LYZL4: variants seen among roughly 807,000 people sequenced by gnomAD.
LYZL4 encodes the protein lysozyme like 4, also known as lysozyme-like protein 4.
In LYZL4, 13 loss-of-function variants were observed where a neutral mutation model predicts 17.6. The ratio of observed to expected loss-of-function variants is 0.74; its 90% CI spans 0.48 to 1.18. The LOEUF (loss-of-function observed/expected upper bound fraction) is 1.18, where lower values mean the gene tolerates loss of function less well. Among genes scored for constraint, LYZL4 ranks in the 50% most tolerant of loss-of-function variants. The pLI is 0.00. For missense variants in LYZL4, 174 were observed against 188.2 expected (o/e 0.92, Z 0.44); for synonymous variants, 64 against 67.7 (o/e 0.95, Z 0.27).
intron 3 of LYZL4, among the ~76,000 whole-genome samples, chr3:42,405,957 A>G (rs1418025729): frequency 6.6e-6 from 1 of 152,170 alleles, no homozygotes; most frequent in Non-Finnish European, 1.5e-5. Flanking sequence ...AAGCACAAGA[A>G]TGGCAACTAT....
At chr3:42,386,520 T>C in the LYZL4 span, among the ~76,000 whole-genome samples, 1 of 151,654 alleles carries the variant, frequency 6.6e-6, no homozygotes, top group African/African-American at 2.4e-5. Context: ...AAAGCCCCCC[T>C]TTTTTTCCAT....
At chr3:42,394,828 G>C (rs536213147), downstream of LYZL4, among the ~76,000 whole-genome samples, 4 of 152,222 alleles carry the variant, frequency 2.6e-5, no homozygotes, top group African/African-American at 9.6e-5. Flanking sequence ...CAATGGGCTG[G>C]AAAGAGGCGG....
intron 4 of LYZL4, among the ~76,000 whole-genome samples, chr3:42,403,068 A>G (rs1055507653): frequency 1.3e-5 from 2 of 152,260 alleles, no homozygotes; most frequent in African/African-American, 4.8e-5. Context: ...TATTTTGGCA[A>G]TAAATATACA....
intron 3 of LYZL4, among the ~76,000 whole-genome samples, chr3:42,405,923 T>G (rs772766920): frequency 1.3e-5 from 2 of 152,146 alleles, no homozygotes; most frequent in African/African-American, 4.8e-5. Flanking sequence ...TATAAAGGGC[T>G]TAAAAGAGTA....
At chr3:42,374,911 C>T in the LYZL4 span, among the ~76,000 whole-genome samples, 5 of 152,144 alleles carry the variant, frequency 3.3e-5, no homozygotes, top group African/African-American at 1.2e-4. Context: ...AAGCCTCAAC[C>T]CATCCTCCCA....
At chr3:42,404,591 A>G (rs1031709136) in intron 3 of LYZL4, among the ~76,000 whole-genome samples, 5 of 152,228 alleles carry the variant, frequency 3.3e-5, no homozygotes, top group Non-Finnish European at 5.9e-5. Context: ...CACAATACAC[A>G]GTACCACCTC....
At chr3:42,366,524 T>C in the LYZL4 span, among the ~76,000 whole-genome samples, 1 of 152,178 alleles carries the variant, frequency 6.6e-6, no homozygotes, top group South Asian at 2.1e-4. Context: ...TGCTTCCCCT[T>C]TCTCTCTTCC....
the LYZL4 span, among the ~76,000 whole-genome samples, chr3:42,367,044 G>T: frequency 2.6e-5 from 4 of 152,218 alleles, no homozygotes; most frequent in Non-Finnish European, 5.9e-5. Flanking sequence ...GGATATGATG[G>T]CCTGGTGGCC....
At chr3:42,401,980 G>A (rs1698661494) in intron 4 of LYZL4, among the ~76,000 whole-genome samples, 1 of 151,832 alleles carries the variant, frequency 6.6e-6, no homozygotes, top group African/African-American at 2.4e-5. Context: ...AAATGTGAAA[G>A]ATAAAACAAT....
At chr3:42,368,878 G>A in the LYZL4 span, among the ~76,000 whole-genome samples, 2 of 152,300 alleles carry the variant, frequency 1.3e-5, no homozygotes, top group African/African-American at 4.8e-5. Context: ...TCCCTCAGCT[G>A]CTAATGAGTT....
chr3:42,406,463 AAAAAAAAAAAAAAAAAAG>A (rs2125602979), intron 3 of LYZL4, among the ~76,000 whole-genome samples: 1 of 73,844 alleles, frequency 1.4e-5, no homozygotes, highest in South Asian at 3.4e-4. Context: ...CAAAAAAAAA[AAAAAAAAAAAAAAAAAAG>A]AAAGAAAGAA....
At chr3:42,399,067 T>C (rs975888548) in intron 4 of LYZL4, among the ~76,000 whole-genome samples, 1 of 151,912 alleles carries the variant, frequency 6.6e-6, no homozygotes, top group Non-Finnish European at 1.5e-5. Context: ...CACAGAAAAA[T>C]AGCCAATAAA....
the LYZL4 span, among the ~76,000 whole-genome samples, chr3:42,361,454 A>G: frequency 6.6e-6 from 1 of 152,122 alleles, no homozygotes; most frequent in Non-Finnish European, 1.5e-5. Context: ...ATACTTCTAT[A>G]TTGTATTCTA....
the LYZL4 span, among the ~76,000 whole-genome samples, chr3:42,365,511 C>T: frequency 2.0e-5 from 3 of 152,190 alleles, no homozygotes; most frequent in Admixed American, 6.5e-5. Flanking sequence ...CTACCTGAGG[C>T]ACATCCTTTT....
At chr3:42,402,578 C>T (rs1698676749) in intron 4 of LYZL4, among the ~76,000 whole-genome samples, 1 of 152,056 alleles carries the variant, frequency 6.6e-6, no homozygotes, top group Non-Finnish European at 1.5e-5. Flanking sequence ...AACCATAATG[C>T]AATACCACAA....
At chr3:42,399,834 G>A (rs1051282491) in intron 4 of LYZL4, among the ~76,000 whole-genome samples, 1 of 152,030 alleles carries the variant, frequency 6.6e-6, no homozygotes, top group Non-Finnish European at 1.5e-5. Flanking sequence ...TTATGTGCCA[G>A]GTGCAGAGCT....
the LYZL4 span, among the ~76,000 whole-genome samples, chr3:42,382,571 A>G: frequency 6.6e-6 from 1 of 152,006 alleles, no homozygotes; most frequent in South Asian, 2.1e-4. Context: ...CCCAATCATT[A>G]TATTAAATTC....
At chr3:42,399,687 A>G (rs1698619878) in intron 4 of LYZL4, among the ~76,000 whole-genome samples, 1 of 152,152 alleles carries the variant, frequency 6.6e-6, no homozygotes, top group Non-Finnish European at 1.5e-5. Flanking sequence ...GAGGCTGCTG[A>G]TAAGAGGGAA....
chr3:42,381,095 C>A, the LYZL4 span, among the ~76,000 whole-genome samples: 1 of 152,154 alleles, frequency 6.6e-6, no homozygotes, highest in African/African-American at 2.4e-5. Context: ...TCCTAGTGAG[C>A]CCAAATTAGA....
Sources: allele counts gnomAD v4.1 joint callset (sites outside exome capture counted in the v4.1 genomes callset), GRCh38; gene constraint gnomAD v4.1.1; transcripts MANE v1.5; gene names NCBI Gene and HGNC (gene_info 2026-07-23, HGNC 2026-07-21).